Variants in CR1 observed in about 807,000 individuals in gnomAD.
CR1 encodes the protein complement receptor type 1.
In CR1, 116 loss-of-function variants were observed where a neutral mutation model predicts 187.3. The observed-to-expected ratio is 0.62, with a 90% confidence interval of 0.53 to 0.72. The LOEUF is 0.72. Among genes scored for constraint, CR1 ranks in the 30% least tolerant of loss-of-function variants. CR1 has a pLI of 0.00. For missense variants in CR1, 1,731 were observed against 2,110.7 expected (o/e 0.82, Z 3.52); for synonymous variants, 576 against 747.1 (o/e 0.77, Z 3.73).
intron 41 of CR1, 60 bp downstream of exon 41, chr1:207,616,862 T>C: frequency 6.3e-7 from 1 of 1,577,694 alleles, no homozygotes; most frequent in Non-Finnish European, 8.6e-7. Context: ...AGAACCTCCA[T>C]ATTTCTATAG....
At chr1:207,500,804 A>G (rs1400630405) in intron 1 of CR1, among the ~76,000 whole-genome samples, 1 of 152,230 alleles carries the variant, frequency 6.6e-6, no homozygotes, top group Non-Finnish European at 1.5e-5. Context: ...CCACACAAAG[A>G]CTTGTACATG....
At chr1:207,513,766 T>TCCCTCCCTCCCTC (rs1659699492) in intron 4 of CR1, among the ~76,000 whole-genome samples, 1 of 47,036 alleles carries the variant, frequency 2.1e-5, no homozygotes, top group African/African-American at 7.6e-5. Context: ...CTCCCTCCCT[T>TCCCTCCCTCCCTC]CCTTCCTTCC....
In CR1 at chr1:207,619,920, G is replaced by T. The variant is rs188203769; in HGVS notation, c.7107G>T (p.Ser2369=). The change falls in exon 43 of 47, where the codon TCG becomes TCT. Residue 2369 remains serine (S), a synonymous_variant. Coordinates refer to ENST00000367049, the MANE Select transcript of CR1 (RefSeq NM_000651.6). The stretch of plus-strand genomic sequence containing the variant: ...TCCCACTGTTTATGAATGGAATCTC[G>T]AAGGAGTTAGAAATGAAAAAAGTAT... ...CSFPLFMNGI[S]KELEMKKVYH... is the part of the protein sequence containing the mutation. 3 of 1,601,550 alleles carry T rather than the reference G, an allele frequency of 1.9e-6. No individual in the cohort carries two copies.
intron 41 of CR1, 79 bp from the exon 42 acceptor site, chr1:207,617,992 A>G: frequency 3.4e-6 from 5 of 1,467,036 alleles, no homozygotes; most frequent in Non-Finnish European, 4.6e-6. Context: ...AGCCAGAGAT[A>G]TTGGATGTGT....
intron 1 of CR1, among the ~76,000 whole-genome samples, chr1:207,500,559 C>A (rs1216523286): frequency 6.6e-6 from 1 of 152,116 alleles, no homozygotes; most frequent in Non-Finnish European, 1.5e-5. Context: ...TCATACAAGA[C>A]AAAACCCGAA....
chr1:207,579,332 T>C (rs528445590), intron 29 of CR1, among the ~76,000 whole-genome samples: 1 of 152,280 alleles, frequency 6.6e-6, no homozygotes, highest in African/African-American at 2.4e-5. Flanking sequence ...TACCAACCCA[T>C]GTTAGCCTTG....
chr1:207,578,075 G>T lies in CR1; in HGVS notation c.4808G>T (p.Arg1603Ile), dbSNP rs754099919. The change falls in exon 29 of 47, where the codon AGA becomes ATA. Residue 1603 changes from arginine to isoleucine, a missense_variant. By Grantham distance (97) the Arg-to-Ile change is moderately conservative. Around this residue, in one of 5 missense-constraint regions of CR1, gnomAD observed 1,312 missense variants for 1,379.6 expected, o/e 0.95. Coordinates refer to ENST00000367049, the MANE Select transcript of CR1 (RefSeq NM_000651.6). ...AATGGAATATTGGTATCTGACAACA[G>T]AAGCTTATTTTCCTTAAATGAAGTT... ...VENGILVSDN[R>I]SLFSLNEVVE... 4 of 1,611,730 alleles carry T rather than the reference G, an allele frequency of 2.5e-6. No individual in the cohort carries two copies. The East Asian group carries it at 8.9e-5, about 36-fold the overall frequency.
At chr1:207,518,328 A>C (rs1659866550) in intron 4 of CR1, among the ~76,000 whole-genome samples, 1 of 152,216 alleles carries the variant, frequency 6.6e-6, no homozygotes, top group Admixed American at 6.5e-5. Flanking sequence ...TTTTGGTAAA[A>C]TGTTACATAT....
chr1:207,577,943 G>T lies in CR1; in HGVS notation c.4676G>T (p.Gly1559Val), dbSNP rs1282812707. The change falls in exon 29 of 47, where the codon GGT becomes GTT. Residue 1559 changes from glycine to valine, a missense_variant. Around this residue, in one of 5 missense-constraint regions of CR1, gnomAD observed 1,312 missense variants for 1,379.6 expected, o/e 0.95. Coordinates refer to ENST00000367049, the MANE Select transcript of CR1 (RefSeq NM_000651.6). ...GGGAGAAAGGTGTTTGAGCTTGTGG[G>T]TGAGCCCTCCATATACTGCACCAGC... is the stretch of plus-strand genomic sequence containing the variant. ...SRGRKVFELVGEPSIYCTSND... is the reference protein window; with the variant it reads ...SRGRKVFELVVEPSIYCTSND... The T allele has an allele frequency of 6.2e-7, 1 of 1,611,974 alleles. No homozygotes were observed. Among genetic ancestry groups the T allele is most frequent in the Non-Finnish European group, 8.5e-7 (1 of 1,179,748 alleles).
chr1:207,636,122 G>C (rs532625276), intron 46 of CR1, among the ~76,000 whole-genome samples: 5 of 151,826 alleles, frequency 3.3e-5, no homozygotes, highest in African/African-American at 1.2e-4. Flanking sequence ...GCTGTTTCTC[G>C]ATGGTTGCTG....
intron 32 of CR1, 90 bp downstream of exon 32, chr1:207,582,093 C>A: frequency 2.4e-6 from 2 of 820,384 alleles, no homozygotes; most frequent in Non-Finnish European, 3.8e-6. Flanking sequence ...GTTTGTCCCG[C>A]TGTTTGTGCC....
rs74151082 is a variant in CR1, at chr1:207,516,417, A to T, written c.487+4763A>T. 6.3e-3 allele frequency among the ~76,000 whole-genome samples: 962 copies of T among 152,326 alleles called. 7 individuals carry two copies. The highest frequency in any genetic ancestry group is 0.021 in the African/African-American group (875 of 41,562). On this transcript the variant is annotated intron_variant, in intron 4 of 46. Coordinates refer to ENST00000367049, the MANE Select transcript of CR1 (RefSeq NM_000651.6). ...TACTATAGCATTACATTAAGATTTG[A>T]TATCTGGTAGCATATATCTCCTAAC...
rs771119266 is a variant in CR1, at chr1:207,577,787, T to C, written c.4538-18T>C. On this transcript the variant is annotated intron_variant, in intron 28 of 46. Coordinates refer to ENST00000367049, the MANE Select transcript of CR1 (RefSeq NM_000651.6). ...GTCCCAAGGTTTTGTTTTGGTTAAC[T>C]TGCTGTCTCTTTTCCAGGAATTCCT... The C allele has an allele frequency of 9.3e-6, 15 of 1,613,464 alleles. No individual in the cohort carries two copies. The East Asian group carries it at 3.1e-4, about 34-fold the overall frequency.
At chr1:207,639,267 C>T in intron 46 of CR1, 130 bp from the exon 47 acceptor site, 1 of 744,222 alleles carries the variant, frequency 1.3e-6, no homozygotes, top group Non-Finnish European at 2.2e-6. Flanking sequence ...TCTAACTTGT[C>T]CTCCTAAAGC....
chr1:207,580,619 T>G lies in CR1; in HGVS notation c.5216+6T>G, dbSNP rs747018378. On this transcript the variant is annotated splice_donor_region_variant and intron_variant, in intron 31 of 46. Transcript: ENST00000367049. The stretch of plus-strand genomic sequence containing the variant: ...TCCTTTGTCTGTGATGAAGGGTAAG[T>G]GTGACCCAGAATTCAGATCAGGGAC... 5.0e-6 allele frequency: 8 copies of G among 1,610,562 alleles called. No individual in the cohort carries two copies. The highest frequency in any genetic ancestry group is 5.9e-6 in the Non-Finnish European group (7 of 1,177,568).
rs1234232027 is a variant in CR1, at chr1:207,504,743, T to C, written c.122-1161T>C. 2.0e-5 allele frequency among the ~76,000 whole-genome samples: 3 copies of C among 152,202 alleles called. 1 individual carries two copies. The highest frequency in any genetic ancestry group is 4.4e-5 in the Non-Finnish European group (3 of 68,036). Reference sequence around the variant, plus strand: ...TAGTTGCCTTCAAACTGGCAGAGACTTTTTGAATGGATGGATGCTGATTTT... The same window carrying C: ...TAGTTGCCTTCAAACTGGCAGAGACCTTTTGAATGGATGGATGCTGATTTT... On this transcript the variant is annotated intron_variant, in intron 1 of 46. Transcript: ENST00000367049.
intron 1 of CR1, among the ~76,000 whole-genome samples, chr1:207,497,592 C>T (rs546843133): frequency 3.3e-5 from 5 of 152,280 alleles, no homozygotes; most frequent in South Asian, 4.1e-4. Flanking sequence ...CAGAAAGTAA[C>T]CTGTCAGGTG....
chr1:207,620,173 A>G (rs938193633), intron 43 of CR1, 108 bp downstream of exon 43: 1 of 1,126,856 alleles, frequency 8.9e-7, no homozygotes, highest in Non-Finnish European at 1.2e-6. Context: ...ATATGCTATG[A>G]GCTATAGAGT....
At chr1:207,581,386 GTA>G (rs1320172491) in intron 31 of CR1, among the ~76,000 whole-genome samples, 3 of 148,940 alleles carry the variant, frequency 2.0e-5, no homozygotes, top group East Asian at 2.0e-4. Flanking sequence ...GTATACATAT[GTA>G]TATATACATA....
Sources: allele counts gnomAD v4.1 joint callset (sites outside exome capture counted in the v4.1 genomes callset), GRCh38; gene constraint gnomAD v4.1.1; regional missense constraint gnomAD v4.1.1; transcripts MANE v1.5; gene names NCBI Gene and HGNC (gene_info 2026-07-23, HGNC 2026-07-21).